Variants in PYY observed in about 807,000 individuals in gnomAD.
PYY encodes peptide tyrosine tyrosine.
A neutral mutation model predicts 10.3 loss-of-function variants in PYY; 12 were observed. The ratio of observed to expected loss-of-function variants is 1.17; its 90% CI spans 0.75 to 1.89. The LOEUF (loss-of-function observed/expected upper bound fraction) is 1.89. Ranked by LOEUF, PYY falls within the 40% of genes most tolerant of loss-of-function variation. The probability of loss-of-function intolerance (pLI) is 0.00; values close to 1 mark genes in which losing one functional copy is unlikely to be tolerated. For synonymous variants in PYY, 66 were observed against 62.0 expected (o/e 1.06, Z -0.30); for missense variants, 141 against 134.0 (o/e 1.05, Z -0.26).
In PYY at chr17:43,953,121, G is replaced by T. The variant is rs766105817; in HGVS notation, c.257C>A (p.Pro86His). 6.2e-6 allele frequency: 10 copies of T among 1,613,960 alleles called. No individual in the cohort carries two copies. The highest frequency in any genetic ancestry group is 8.5e-6 in the Non-Finnish European group (10 of 1,179,984). ...KTFFPDGEDR[P>H]VRSRSEGPDL... is the part of the protein sequence containing the mutation. The stretch of plus-strand genomic sequence containing the variant: ...CGGGCGCTTTTACCGCGACCTGACG[G>T]GGCGGTCCTCGCCGTCGGGGAAGAA... Residue 86 changes from proline to histidine, a missense_variant, in exon 3 of 4, where the codon CCC becomes CAC. Physicochemically the swap from Pro to His is moderately conservative, Grantham distance 77 (BLOSUM62 -2). Transcript: ENST00000692052.
At chr17:43,978,281 A>G (rs1005121065) in intron 1 of PYY, among the ~76,000 whole-genome samples, 2 of 149,784 alleles carry the variant, frequency 1.3e-5, no homozygotes, top group Non-Finnish European at 3.0e-5. Flanking sequence ...GAGAGAGAGA[A>G]GGAAGGAAGG....
At chr17:43,964,054 T>G (rs1051148313) in intron 2 of PYY, among the ~76,000 whole-genome samples, 1 of 5,116 alleles carries the variant, frequency 2.0e-4, no homozygotes, top group African/African-American at 2.3e-3. Context: ...CTTTCTTTCT[T>G]TTTTTTGGGG....
At chr17:43,975,805 C>T (rs569625388) in intron 1 of PYY, among the ~76,000 whole-genome samples, 1 of 127,926 alleles carries the variant, frequency 7.8e-6, no homozygotes, top group Admixed American at 7.7e-5. Flanking sequence ...CACGTGTCTA[C>T]GTACGTGTAC....
chr17:44,000,178 C>A (rs548884492), intron 1 of PYY, among the ~76,000 whole-genome samples: 1 of 152,226 alleles, frequency 6.6e-6, no homozygotes, highest in Non-Finnish European at 1.5e-5. Context: ...CCATTATGCC[C>A]AGCTTGTAGT....
intron 1 of PYY, among the ~76,000 whole-genome samples, chr17:43,995,168 G>A (rs887676051): frequency 6.6e-6 from 1 of 152,180 alleles, no homozygotes; most frequent in African/African-American, 2.4e-5. Context: ...GTATTTTGGC[G>A]GCTGGACCTG....
In PYY at chr17:43,953,931, G is replaced by A. The variant is rs1480969226; in HGVS notation, c.-82C>T. 1 of 157,374 alleles carries A rather than the reference G, an allele frequency of 6.4e-6. No individual in the cohort carries two copies. The highest frequency in any genetic ancestry group is 1.4e-5 in the Non-Finnish European group (1 of 70,322). 9.7% of individuals were successfully genotyped at this position (157,374 alleles called of 1,614,324 possible). A position where few individuals can be genotyped will look rare whatever the true frequency, so the allele number is the denominator to read the frequency against. On this transcript the variant is annotated 5_prime_UTR_variant, in exon 1 of 4. Coordinates refer to ENST00000692052, the MANE Select transcript of PYY (RefSeq NM_001394028.1). ...GCTGCACTGCCGCAGGTCAAGCTGAGGCCTCCTCTGCTCAGCGCTTTCCTT... is the reference window on the plus strand; with the variant it reads ...GCTGCACTGCCGCAGGTCAAGCTGAAGCCTCCTCTGCTCAGCGCTTTCCTT...
chr17:43,991,983 G>A (rs745513301), intron 1 of PYY, among the ~76,000 whole-genome samples: 4 of 151,822 alleles, frequency 2.6e-5, no homozygotes, highest in South Asian at 2.1e-4. Flanking sequence ...TTAGCTGGGC[G>A]TGGTGGCGGG....
rs1273365844 is a variant in PYY at position 43,987,043 on chromosome 17, C to G, written c.-463+17348G>C. On this transcript the variant is annotated intron_variant, in intron 1 of 6. Coordinates refer to the PYY transcript ENST00000360085. This position sits in a 1 kb window ranked among gnomAD's most constrained non-coding sequence, Gnocchi z 4.0. The stretch of plus-strand genomic sequence containing the variant: ...ACACCAGGGCTCAGCTCAGGCCGGT[C>G]TGGCCCTGGCCTCATGAAGCCAGAT... Among the ~76,000 whole-genome samples, 1 of 152,182 alleles carries G rather than the reference C, an allele frequency of 6.6e-6. No individual in the cohort carries two copies. Among genetic ancestry groups the G allele is most frequent in the Non-Finnish European group, 1.5e-5 (1 of 68,028 alleles).
At position 43,953,896 on chromosome 17, in the gene PYY, A is replaced by G; in HGVS notation, c.-47T>C. On this transcript the variant is annotated 5_prime_UTR_variant, in exon 1 of 4. Coordinates refer to ENST00000692052, the MANE Select transcript of PYY (RefSeq NM_001394028.1). ...CGAGCAGGAGGTGGAAGGCGAGGGA[A>G]GTCCCAAGGGCTGCACTGCCGCAGG... 6.1e-6 allele frequency: 1 copy of G among 162,786 alleles called. No individual in the cohort carries two copies. The highest frequency in any genetic ancestry group is 5.5e-4 in the Middle Eastern group (1 of 1,816). The allele number at this position is 162,786 out of a possible 1,614,324, so 10.1% of individuals were successfully genotyped here.
intron 1 of PYY, among the ~76,000 whole-genome samples, chr17:43,976,007 C>T (rs111219172): frequency 2.2e-4 from 1 of 4,554 alleles, no homozygotes; most frequent in African/African-American, 2.7e-3. Flanking sequence ...CGTACGTGTA[C>T]ATACACGTGT....
chr17:43,986,244 C>A, intron 1 of PYY, among the ~76,000 whole-genome samples: 1 of 151,990 alleles, frequency 6.6e-6, no homozygotes, highest in Admixed American at 6.6e-5. Flanking sequence ...GCCTGGGCAA[C>A]AAGAGCAAAA....
chr17:43,996,108 T>C (rs1597860096), intron 1 of PYY, among the ~76,000 whole-genome samples: 1 of 152,164 alleles, frequency 6.6e-6, no homozygotes. Flanking sequence ...TCAGAAGTAA[T>C]GCTACAGGAC....
intron 1 of PYY, among the ~76,000 whole-genome samples, chr17:43,981,840 A>T (rs941534900): frequency 6.6e-6 from 1 of 152,044 alleles, no homozygotes; most frequent in Non-Finnish European, 1.5e-5. Context: ...TTGTCTGACC[A>T]AGCCTTTTGC....
intron 1 of PYY, among the ~76,000 whole-genome samples, chr17:43,993,231 C>T (rs1020286729): frequency 4.0e-5 from 6 of 151,884 alleles, no homozygotes; most frequent in African/African-American, 7.3e-5. Flanking sequence ...GAGGCCAAGG[C>T]GGGTGGATCA....
intron 1 of PYY, among the ~76,000 whole-genome samples, chr17:43,976,674 A>C (rs2083026786): frequency 6.6e-6 from 1 of 152,154 alleles, no homozygotes; most frequent in Non-Finnish European, 1.5e-5. Context: ...CAGGAGGCTG[A>C]GGCAGGAGAA....
chr17:43,963,641 G>GAAAGA, intron 2 of PYY, among the ~76,000 whole-genome samples: 2 of 140,812 alleles, frequency 1.4e-5, no homozygotes, highest in Admixed American at 1.4e-4. Context: ...AGAAAGAAAA[G>GAAAGA]AGAGAACAGA....
intron 2 of PYY, among the ~76,000 whole-genome samples, chr17:43,961,689 C>T (rs12949036): frequency 0.02 from 3,114 of 152,116 alleles, 106 homozygotes; most frequent in African/African-American, 0.072. Context: ...TACAGGAGTG[C>T]GCCACCACAC....
intron 1 of PYY, among the ~76,000 whole-genome samples, chr17:43,973,183 A>G (rs911628425): frequency 6.6e-6 from 1 of 152,176 alleles, no homozygotes; most frequent in African/African-American, 2.4e-5. Flanking sequence ...AGTGCTTAGA[A>G]CAGAACCTGA....
intron 1 of PYY, among the ~76,000 whole-genome samples, chr17:44,003,521 G>A (rs1177976890): frequency 6.6e-6 from 1 of 151,932 alleles, no homozygotes; most frequent in Non-Finnish European, 1.5e-5. Flanking sequence ...CGGGTGTGAT[G>A]GTGTCTGCCT....
Sources: allele counts gnomAD v4.1 joint callset (sites outside exome capture counted in the v4.1 genomes callset), GRCh38; gene constraint gnomAD v4.1.1; non-coding constraint Gnocchi (gnomAD v3.1); transcripts MANE v1.5; gene names NCBI Gene and HGNC (gene_info 2026-07-23, HGNC 2026-07-21).